The following MYH13 variants were observed in gnomAD, a reference collection of about 807,000 sequenced individuals.
The protein encoded by MYH13 is myosin-13.
Under a neutral mutation model 232.1 loss-of-function variants are expected in MYH13, and 177 were observed. The ratio of observed to expected loss-of-function variants is 0.76; its 90% confidence interval spans 0.67 to 0.86. The LOEUF (loss-of-function observed/expected upper bound fraction) is 0.86, where lower values mean the gene tolerates loss of function less well. Ranked by LOEUF, MYH13 falls within the 40% of genes least tolerant of loss-of-function variation. The pLI is 0.00. For missense variants in MYH13, 2,246 were observed against 2,405.9 expected (o/e 0.93, Z 1.39); for synonymous variants, 884 against 923.5 (o/e 0.96, Z 0.78).
chr17:10,316,865 T>C (rs543742571), intron 27 of MYH13, among the ~76,000 whole-genome samples: 9 of 152,330 alleles, frequency 5.9e-5, no homozygotes, highest in African/African-American at 1.9e-4. Flanking sequence ...ATAGAGCATA[T>C]GTTTTTCTTT....
chr17:10,320,114 A>G (rs1906878401), intron 26 of MYH13, 39 bp downstream of exon 26: 6 of 1,499,474 alleles, frequency 4.0e-6, no homozygotes, highest in Non-Finnish European at 5.5e-6. Context: ...CGCTCTTGCA[A>G]AGGGATTGTC....
At chr17:10,305,649 G>A (rs998957484) in intron 37 of MYH13, among the ~76,000 whole-genome samples, 2 of 152,116 alleles carry the variant, frequency 1.3e-5, no homozygotes, top group Non-Finnish European at 2.9e-5. Flanking sequence ...CATTCGAACA[G>A]CCTCCTCCGC....
Position 10,309,455 on chromosome 17 carries a change from A to G in MYH13, c.4966-18T>C, listed in dbSNP as rs1056517923. 13 of 1,599,656 alleles carry G rather than the reference A, an allele frequency of 8.1e-6. No individual in the cohort carries two copies. The highest frequency in any genetic ancestry group is 1.1e-5 in the Non-Finnish European group (13 of 1,172,712). ...TGGGAGTCCTGCAGGGGAGACCCAGAGTGAGGCCAGAGCCGCCTGGCAGGC... is the reference window on the plus strand; with the variant it reads ...TGGGAGTCCTGCAGGGGAGACCCAGGGTGAGGCCAGAGCCGCCTGGCAGGC... On this transcript the variant is annotated intron_variant, in intron 34 of 40. Coordinates refer to ENST00000252172, the MANE Select transcript of MYH13 (RefSeq NM_003802.3).
Position 10,313,237 on chromosome 17 carries a change from C to T in MYH13, c.4102G>A (p.Ala1368Thr). The T allele has an allele frequency of 8.1e-6, 13 of 1,614,208 alleles. No homozygotes were observed. The highest frequency in any genetic ancestry group is 1.1e-5 in the Non-Finnish European group (13 of 1,180,042). The stretch of plus-strand genomic sequence containing the variant: ...CTCCACTGGGCAACCTCACTGTTGG[C>T]CTTGGACAGCGCCCTCTGCAGCTCG... ...KAELQRALSK[A>T]NSEVAQWRTK... The change falls in exon 30 of 41, where the codon GCC (alanine) becomes ACC (threonine). Residue 1368 changes from alanine to threonine, a missense_variant. Transcript: ENST00000252172.
chr17:10,350,661 C>G lies in MYH13; in HGVS notation c.1039G>C (p.Glu347Gln). Residue 347 changes from glutamate to glutamine, a missense_variant, in exon 12 of 41, where the codon GAG becomes CAG. Coordinates refer to ENST00000252172, the MANE Select transcript of MYH13 (RefSeq NM_003802.3). ...GTCAGTTTGTAGATCCCGACTTTCT[C>G]CTCTGAGCTGAAGCCCAGGATGTCA... ...AIDILGFSSEEKVGIYKLTGA... is the reference protein window; with the variant it reads ...AIDILGFSSEQKVGIYKLTGA... The G allele has an allele frequency of 6.2e-7, 1 of 1,613,856 alleles. No homozygotes were observed. Among genetic ancestry groups the G allele is most frequent in the Non-Finnish European group, 8.5e-7 (1 of 1,179,956 alleles).
intron 29 of MYH13, among the ~76,000 whole-genome samples, chr17:10,315,438 C>A (rs1056170242): frequency 6.6e-6 from 1 of 152,152 alleles, no homozygotes; most frequent in Non-Finnish European, 1.5e-5. Flanking sequence ...ATTACGGGCA[C>A]CTGCCAGTAC....
intron 16 of MYH13, among the ~76,000 whole-genome samples, chr17:10,341,704 T>G (rs1232095674): frequency 6.6e-6 from 1 of 152,100 alleles, no homozygotes; most frequent in Non-Finnish European, 1.5e-5. Context: ...CTTCCCCAAA[T>G]CCGCATCCAC....
chr17:10,305,207 G>A (rs896781287), intron 37 of MYH13, among the ~76,000 whole-genome samples: 6 of 152,216 alleles, frequency 3.9e-5, no homozygotes, highest in African/African-American at 1.4e-4. Context: ...CTCACCATGG[G>A]AGGGGGAGGG....
At chr17:10,308,410 A>G (rs1405949710) in intron 35 of MYH13, among the ~76,000 whole-genome samples, 3 of 40,598 alleles carry the variant, frequency 7.4e-5, no homozygotes, top group African/African-American at 5.4e-4. Context: ...TCATACTTTG[A>G]CTATATATAT....
rs531803068 is a variant in MYH13 at position 10,354,871 on chromosome 17, A to T, written c.901+24T>A. On this transcript the variant is annotated intron_variant, in intron 10 of 40. Coordinates refer to ENST00000252172, the MANE Select transcript of MYH13 (RefSeq NM_003802.3). ...TCCCAACGTCACCGATTTGGAACAT[A>T]AGAAAGGTATTCCAAGAGCTTACCA... is the stretch of plus-strand genomic sequence containing the variant. The T allele has an allele frequency of 6.3e-6, 10 of 1,589,692 alleles. No homozygotes were observed. The African/African-American group carries it at 1.1e-4, about 17-fold the overall frequency.
intron 2 of MYH13, among the ~76,000 whole-genome samples, chr17:10,365,859 G>A (rs887120771): frequency 2.0e-5 from 3 of 150,228 alleles, no homozygotes; most frequent in African/African-American, 7.3e-5. Flanking sequence ...GTGTGTGTGT[G>A]TGTGTGTGTG....
chr17:10,325,786 C>T (rs1372682958), intron 22 of MYH13, among the ~76,000 whole-genome samples: 2 of 152,206 alleles, frequency 1.3e-5, no homozygotes, highest in Non-Finnish European at 2.9e-5. Context: ...AAGTGATTCT[C>T]CTGCCTCAGC....
intron 23 of MYH13, among the ~76,000 whole-genome samples, chr17:10,323,787 AAAG>A (rs571033999): frequency 0.12 from 8,053 of 65,974 alleles, 497 homozygotes; most frequent in Middle Eastern, 0.23. Flanking sequence ...AAAAAAAAAA[AAAG>A]AAGAAGAAGA....
At chr17:10,364,239 G>A (rs191138077) in intron 3 of MYH13, 88 bp downstream of exon 3, 36 of 1,361,762 alleles carry the variant, frequency 2.6e-5, no homozygotes, top group East Asian at 1.5e-4. Flanking sequence ...TTCAGATTCC[G>A]AAGGACCAGC....
In MYH13 at chr17:10,309,705, G is replaced by T; in HGVS notation, c.4782C>A (p.Ser1594Arg). ...DEEIEQLKRN[S>R]QRAAEALQSV... The stretch of plus-strand genomic sequence containing the variant: ...TCTGCAGGGCCTCTGCTGCCCGCTG[G>T]CTGTTTCTTTTTAGCTGCTCGATTT... The change falls in exon 34 of 41, where the codon AGC becomes AGA. Residue 1594 changes from serine (S) to arginine (R), a missense_variant. Transcript: ENST00000252172. 1 of 1,606,568 alleles carries T rather than the reference G, an allele frequency of 6.2e-7. No homozygotes were observed. Among genetic ancestry groups the T allele is most frequent in the South Asian group, 1.1e-5 (1 of 89,548 alleles).
At chr17:10,323,946 C>T in intron 23 of MYH13, 76 bp downstream of exon 23, 2 of 1,564,014 alleles carry the variant, frequency 1.3e-6, no homozygotes, top group Non-Finnish European at 1.7e-6. Context: ...GACTCCTACG[C>T]CACCCTTTCT....
chr17:10,343,953 G>A lies in MYH13; in HGVS notation c.1741C>T (p.Leu581=). 1.2e-6 allele frequency: 2 copies of A among 1,614,238 alleles called. No homozygotes were observed. Among genetic ancestry groups the A allele is most frequent in the Non-Finnish European group, 1.7e-6 (2 of 1,180,046 alleles). Residue 581 remains leucine, a synonymous_variant, in exon 16 of 41, where the codon CTG becomes TTG. Transcript: ENST00000252172. ...AKGKAEAHFS[L]VHYAGTVDYN... is the part of the protein sequence containing the mutation. ...TCCACGGTGCCGGCATAGTGCACCA[G>A]CGAGAAGTGAGCCTCAGCCTTGCCT...
intron 11 of MYH13, chr17:10,350,927 A>G: frequency 1.8e-6 from 1 of 551,228 alleles, no homozygotes; most frequent in Non-Finnish European, 3.4e-6. Flanking sequence ...TCCATCAAAT[A>G]AGAACTGATT....
At chr17:10,319,295 G>T in intron 26 of MYH13, 116 bp from the exon 27 acceptor site, 1 of 1,286,744 alleles carries the variant, frequency 7.8e-7, no homozygotes, top group Non-Finnish European at 1.0e-6. Context: ...GGTCATTTGA[G>T]GTCAGGAGTT....
Sources: allele counts gnomAD v4.1 joint callset (sites outside exome capture counted in the v4.1 genomes callset), GRCh38; gene constraint gnomAD v4.1.1; transcripts MANE v1.5; gene names NCBI Gene and HGNC (gene_info 2026-07-23, HGNC 2026-07-21).